The following ANKRD13A variants were observed in gnomAD, a reference collection of about 807,000 sequenced individuals.
The protein encoded by ANKRD13A is ankyrin repeat domain 13A.
Under a neutral mutation model 81.3 loss-of-function variants are expected in ANKRD13A, and 48 were observed. That is an observed-to-expected ratio of 0.59 (90% CI 0.47 to 0.75). The LOEUF (loss-of-function observed/expected upper bound fraction) is 0.75, where lower values mean the gene tolerates loss of function less well. ANKRD13A is among the 30% of genes least tolerant of loss of function. The probability of loss-of-function intolerance (pLI) is 0.00; values close to 1 mark genes in which losing one functional copy is unlikely to be tolerated. For missense variants in ANKRD13A, 612 were observed against 734.0 expected (o/e 0.83, Z 1.92); for synonymous variants, 230 against 270.1 (o/e 0.85, Z 1.45).
At chr12:110,016,564 A>G (rs1890814895) in intron 4 of ANKRD13A, 131 bp downstream of exon 4, 1 of 811,892 alleles carries the variant, frequency 1.2e-6, no homozygotes, top group Admixed American at 3.0e-5. Context: ...AAGAATAAGG[A>G]AAAATAATCA....
At position 110,038,479 on chromosome 12, in the gene ANKRD13A, AG is replaced by A. The variant is rs1244615553; in HGVS notation, c.*927del. ...GTGAAGGATTTCCACGTAGACACCT[AG>A]GAAGAGCCCGCATGCCCTAGACTCA... On this transcript the variant is annotated 3_prime_UTR_variant, in exon 15 of 15. Transcript: ENST00000261739. 6.6e-6 allele frequency: 1 copy of A among 152,590 alleles called. No individual in the cohort carries two copies. Among genetic ancestry groups the A allele is most frequent in the African/African-American group, 2.4e-5 (1 of 41,422 alleles). 9.5% of individuals were successfully genotyped at this position (152,590 alleles called of 1,614,324 possible).
rs1018945923 is a variant in ANKRD13A at position 110,039,254 on chromosome 12, T to C, written c.*1700T>C. 2 of 152,330 alleles carry C rather than the reference T, an allele frequency of 1.3e-5. No homozygotes were observed. Among genetic ancestry groups the C allele is most frequent in the South Asian group, 2.1e-4 (1 of 4,830 alleles). The allele number at this position is 152,330 out of a possible 1,614,324, so 9.4% of individuals were successfully genotyped here. A position where few individuals can be genotyped will look rare whatever the true frequency, so the allele number is the denominator to read the frequency against. On this transcript the variant is annotated 3_prime_UTR_variant, in exon 15 of 15. Coordinates refer to ENST00000261739, the MANE Select transcript of ANKRD13A (RefSeq NM_033121.2). ...GTCATTGGCTCACAAAAGTGACTCATAGGTAATTTCTGTGTTTGCATTCCA... is the reference window on the plus strand; with the variant it reads ...GTCATTGGCTCACAAAAGTGACTCACAGGTAATTTCTGTGTTTGCATTCCA...
At position 109,999,879 on chromosome 12, in the gene ANKRD13A, C is replaced by T. The variant is rs1889860302; in HGVS notation, c.96+95C>T. On this transcript the variant is annotated intron_variant, in intron 1 of 14. Transcript: ENST00000261739. This position sits in a 1 kb window ranked among gnomAD's most constrained non-coding sequence, Gnocchi z 4.3. ...GAGCCCATTTCCAGCCCTCTGTCCCCGGGATCCCCAGACCCCTTCCACTTT... is the reference window on the plus strand; with the variant it reads ...GAGCCCATTTCCAGCCCTCTGTCCCTGGGATCCCCAGACCCCTTCCACTTT... The T allele has an allele frequency of 2.6e-6, 3 of 1,170,362 alleles. No individual in the cohort carries two copies. The highest frequency in any genetic ancestry group is 3.5e-6 in the Non-Finnish European group (3 of 858,406). The allele number at this position is 1,170,362 out of a possible 1,614,324, so 72.5% of individuals were successfully genotyped here. A position where few individuals can be genotyped will look rare whatever the true frequency, so the allele number is the denominator to read the frequency against.
chr12:110,036,759 A>AG lies in ANKRD13A; in HGVS notation c.1577+431_1577+432insG, dbSNP rs1188163811. Among the ~76,000 whole-genome samples, 1 of 152,314 alleles carries AG rather than the reference A, an allele frequency of 6.6e-6. No homozygotes were observed. Among genetic ancestry groups the AG allele is most frequent in the East Asian group, 1.9e-4 (1 of 5,186 alleles). On this transcript the variant is annotated intron_variant, in intron 14 of 14. Transcript: ENST00000261739. This position sits in a 1 kb window ranked among gnomAD's most constrained non-coding sequence, Gnocchi z 4.6. ...AGCGAGACTCCGTCTCAAAAAAAAA[A>AG]AAGACTAAAGTGTTGGCTCTCTTGC...
rs183887933 is a variant in ANKRD13A, at chr12:110,004,236, C to T, written c.96+4452C>T. Among the ~76,000 whole-genome samples, 583 of 152,150 alleles carry T rather than the reference C, an allele frequency of 3.8e-3. 18 individuals carry two copies. Among genetic ancestry groups the T allele is most frequent in the Admixed American group, 0.033 (503 of 15,264 alleles). On this transcript the variant is annotated intron_variant, in intron 1 of 14. Coordinates refer to ENST00000261739, the MANE Select transcript of ANKRD13A (RefSeq NM_033121.2). The stretch of plus-strand genomic sequence containing the variant: ...GAAATGAGCAAATAGGAAGGAAACT[C>T]CTAGTTAAAGGAGGATGGGTATTTT...
intron 3 of ANKRD13A, among the ~76,000 whole-genome samples, chr12:110,014,576 C>T (rs1046183230): frequency 1.2e-4 from 19 of 152,264 alleles, no homozygotes; most frequent in African/African-American, 4.3e-4. Context: ...TCATTGATGT[C>T]TTGTCTTTCA....
chr12:110,023,965 A>T (rs371655787), intron 6 of ANKRD13A, 81 bp from the exon 7 acceptor site: 7 of 1,406,028 alleles, frequency 5.0e-6, no homozygotes, highest in Non-Finnish European at 5.9e-6. Flanking sequence ...GCTGGGGGGG[A>T]AAAAAACTAT....
At chr12:110,031,000 C>T (rs1891656140) in intron 12 of ANKRD13A, among the ~76,000 whole-genome samples, 1 of 151,718 alleles carries the variant, frequency 6.6e-6, no homozygotes, top group Admixed American at 6.6e-5. Flanking sequence ...GAGGCTGAGG[C>T]AGGAGAATCG....
At chr12:110,032,515 AAG>A (rs1316223772) in intron 12 of ANKRD13A, 1 of 152,228 alleles carries the variant, frequency 6.6e-6, no homozygotes, top group Non-Finnish European at 1.5e-5. Flanking sequence ...TCTTGGCTGG[AAG>A]AGGAGATTGG....
chr12:110,006,745 C>T (rs150544403), intron 1 of ANKRD13A, among the ~76,000 whole-genome samples: 6,170 of 152,004 alleles, frequency 0.041, 179 homozygotes, highest in South Asian at 0.083. Flanking sequence ...TACAGGCATG[C>T]GCCACCATGC....
In ANKRD13A at chr12:110,038,874, C is replaced by G. The variant is rs1892211482; in HGVS notation, c.*1320C>G. 6.6e-6 allele frequency: 1 copy of G among 152,184 alleles called. No individual in the cohort carries two copies. The highest frequency in any genetic ancestry group is 2.4e-5 in the African/African-American group (1 of 41,440). The allele number at this position is 152,184 out of a possible 1,614,324, so 9.4% of individuals were successfully genotyped here. A position where few individuals can be genotyped will look rare whatever the true frequency, so the allele number is the denominator to read the frequency against. ...TGGCCCGTGTATTCATTCCCACAGG[C>G]TGCACTGAAATAACCTGGTAAACAA... is the stretch of plus-strand genomic sequence containing the variant. On this transcript the variant is annotated 3_prime_UTR_variant, in exon 15 of 15. Transcript: ENST00000261739.
At chr12:110,017,699 T>G (rs1890863342) in intron 4 of ANKRD13A, among the ~76,000 whole-genome samples, 1 of 152,164 alleles carries the variant, frequency 6.6e-6, no homozygotes, top group Non-Finnish European at 1.5e-5. Flanking sequence ...TTTTGGAGGC[T>G]GAGGTGGGAA....
At chr12:110,023,964 G>T (rs761187272) in intron 6 of ANKRD13A, 82 bp from the exon 7 acceptor site, 7 of 1,404,482 alleles carry the variant, frequency 5.0e-6, no homozygotes, top group Middle Eastern at 1.8e-4. Context: ...AGCTGGGGGG[G>T]AAAAAAACTA....
chr12:110,020,429 T>G (rs1891020984), intron 6 of ANKRD13A, among the ~76,000 whole-genome samples: 1 of 152,268 alleles, frequency 6.6e-6, no homozygotes, highest in African/African-American at 2.4e-5. Context: ...TAATTTAGAT[T>G]GAGCTGTGGA....
chr12:110,003,665 A>T (rs974115703), intron 1 of ANKRD13A, among the ~76,000 whole-genome samples: 8 of 152,198 alleles, frequency 5.3e-5, no homozygotes, highest in African/African-American at 1.9e-4. Context: ...AGGGGAACTG[A>T]TAATTCACCT....
intron 8 of ANKRD13A, among the ~76,000 whole-genome samples, chr12:110,026,868 C>T (rs1210505019): frequency 6.6e-6 from 1 of 152,002 alleles, no homozygotes; most frequent in African/African-American, 2.4e-5. Flanking sequence ...GGTGACAGAG[C>T]TAGACTCTGT....
intron 3 of ANKRD13A, 108 bp from the exon 4 acceptor site, chr12:110,016,280 C>CTT (rs74731825): frequency 3.0e-4 from 198 of 666,802 alleles, no homozygotes; most frequent in South Asian, 3.6e-4. Context: ...CTTATTTTCT[C>CTT]TTTTTTTTTT....
chr12:110,036,047 G>A lies in ANKRD13A; in HGVS notation c.1510-214G>A, dbSNP rs1207898921. On this transcript the variant is annotated intron_variant, in intron 13 of 14. Transcript: ENST00000261739. This position sits in a 1 kb window ranked among gnomAD's most constrained non-coding sequence, Gnocchi z 4.6. Reference sequence around the variant, plus strand: ...CTGATTTTGTACAAAGGATGAGAAGGTTGTGGCTGTGAGTTAGGCTGTGGC... The same window carrying A: ...CTGATTTTGTACAAAGGATGAGAAGATTGTGGCTGTGAGTTAGGCTGTGGC... Among the ~76,000 whole-genome samples, 1 of 152,122 alleles carries A rather than the reference G, an allele frequency of 6.6e-6. No individual in the cohort carries two copies. The highest frequency in any genetic ancestry group is 1.5e-5 in the Non-Finnish European group (1 of 68,024).
intron 8 of ANKRD13A, 34 bp downstream of exon 8, chr12:110,025,857 T>C (rs759272699): frequency 6.3e-7 from 1 of 1,584,726 alleles, no homozygotes; most frequent in Non-Finnish European, 8.7e-7. Context: ...TCCTGTTTTG[T>C]TGTTATTTTT....
Sources: gnomAD v4.1 joint callset for allele counts (sites outside exome capture counted in the v4.1 genomes callset) on GRCh38, gnomAD v4.1.1 for gene constraint, Gnocchi (gnomAD v3.1) non-coding constraint, MANE v1.5 for transcripts, NCBI Gene and HGNC (gene_info 2026-07-23, HGNC 2026-07-21) for gene names.